Variants in DMD observed in about 807,000 individuals in gnomAD.
DMD encodes the protein mutant dystrophin.
In DMD, 63 loss-of-function variants were observed where a neutral mutation model predicts 330.1. The observed-to-expected ratio is 0.19, with a 90% confidence interval of 0.16 to 0.24. DMD has a LOEUF of 0.24. Among genes scored for constraint, DMD ranks in the 10% least tolerant of loss-of-function variants. The pLI is 1.00. For synonymous variants in DMD, 1,223 were observed against 959.8 expected, an observed-to-expected ratio of 1.27 and a Z score of -5.07; for missense variants, 3,344 against 2,684.1, an observed-to-expected ratio of 1.25 and a Z score of -5.43.
intron 25 of DMD, among the ~76,000 whole-genome samples, chrX:32,460,194 G>A (rs2098378524): frequency 9.0e-6 from 1 of 110,609 alleles, no homozygotes; most frequent in Admixed American, 9.6e-5. Context: ...ACCCCAGCTA[G>A]GATGTATATT....
chrX:32,646,183 C>G (rs1026183722), intron 9 of DMD, among the ~76,000 whole-genome samples: 6 of 111,611 alleles, frequency 5.4e-5, no homozygotes, highest in Non-Finnish European at 1.1e-4. Context: ...CTATAGGAAC[C>G]ATACACTCAA....
chrX:32,390,031 C>T, intron 31 of DMD, 40 bp downstream of exon 31: 2 of 1,072,570 alleles, frequency 1.9e-6, no homozygotes, highest in Non-Finnish European at 2.6e-6. Context: ...GTATAATGCC[C>T]AACGAAAACA....
intron 47 of DMD, among the ~76,000 whole-genome samples, chrX:31,927,591 GT>G (rs2094796673): frequency 9.1e-6 from 1 of 110,193 alleles, no homozygotes; most frequent in Non-Finnish European, 1.9e-5. Flanking sequence ...ATAAAAGTCT[GT>G]ATCTTTACAC....
chrX:31,731,022 C>A (rs1343830206), intron 51 of DMD, among the ~76,000 whole-genome samples: 2 of 111,752 alleles, frequency 1.8e-5, no homozygotes, highest in Non-Finnish European at 3.8e-5. Context: ...GGGAGACAGG[C>A]TTTGTGATTT....
intron 2 of DMD, among the ~76,000 whole-genome samples, chrX:32,895,799 T>C (rs955163009): frequency 9.1e-6 from 1 of 109,994 alleles, no homozygotes; most frequent in African/African-American, 3.3e-5. Context: ...CGGCTGAGGT[T>C]GAGAGCTTTC....
At chrX:31,822,527 G>A (rs767036891) in intron 49 of DMD, among the ~76,000 whole-genome samples, 104 of 111,263 alleles carry the variant, frequency 9.3e-4, no homozygotes, top group African/African-American at 2.6e-3. Flanking sequence ...GATACGATTC[G>A]TGTTTTGCAT....
chrX:32,258,641 C>A (rs908505581), intron 43 of DMD, among the ~76,000 whole-genome samples: 4 of 109,265 alleles, frequency 3.7e-5, no homozygotes, highest in Admixed American at 9.8e-5. Flanking sequence ...GGGCGGGGAA[C>A]ATCACACACC....
chrX:32,127,195 A>G (rs1005198393), intron 44 of DMD, among the ~76,000 whole-genome samples: 2 of 111,641 alleles, frequency 1.8e-5, no homozygotes, highest in Admixed American at 9.6e-5. Flanking sequence ...TGCCTGCTTG[A>G]GAAAGCTCAG....
At chrX:31,832,840 CA>C (rs963100742) in intron 49 of DMD, among the ~76,000 whole-genome samples, 3 of 112,147 alleles carry the variant, frequency 2.7e-5, no homozygotes, top group African/African-American at 9.7e-5. Flanking sequence ...AGTACATAAA[CA>C]TATTTTTAAA....
At chrX:32,760,082 A>G (rs934160195) in intron 7 of DMD, among the ~76,000 whole-genome samples, 4 of 96,293 alleles carry the variant, frequency 4.2e-5, no homozygotes, top group African/African-American at 3.9e-5. Context: ...TATACTTTTG[A>G]CTCTTGTAAT....
chrX:31,897,265 T>C (rs2094352410), intron 47 of DMD, among the ~76,000 whole-genome samples: 1 of 112,137 alleles, frequency 8.9e-6, no homozygotes, highest in Non-Finnish European at 1.9e-5. Flanking sequence ...TCCTTTTTTA[T>C]GGCTGCATAG....
chrX:32,698,522 A>G (rs2063827560), intron 8 of DMD, among the ~76,000 whole-genome samples: 1 of 111,824 alleles, frequency 8.9e-6, no homozygotes, highest in African/African-American at 3.3e-5. Flanking sequence ...AAAACATCCA[A>G]ACCACCCACT....
intron 11 of DMD, among the ~76,000 whole-genome samples, chrX:32,625,669 T>C (rs1394148776): frequency 8.9e-6 from 1 of 112,597 alleles, no homozygotes; most frequent in Admixed American, 9.4e-5. Context: ...TAATAGCATT[T>C]TTTGTGCTTT....
chrX:31,318,526 G>T (rs1362145276), intron 62 of DMD, among the ~76,000 whole-genome samples: 1 of 112,443 alleles, frequency 8.9e-6, no homozygotes, highest in Non-Finnish European at 1.9e-5. Flanking sequence ...GCAGCAGAAA[G>T]TTGTGAGCAA....
At chrX:32,508,115 C>T (rs1461676504) in intron 18 of DMD, among the ~76,000 whole-genome samples, 1 of 110,643 alleles carries the variant, frequency 9.0e-6, no homozygotes, top group Non-Finnish European at 1.9e-5. Context: ...CAAGGAATGC[C>T]GGGTCACTCA....
chrX:32,652,876 T>C (rs753360526), intron 9 of DMD, among the ~76,000 whole-genome samples: 1 of 112,246 alleles, frequency 8.9e-6, no homozygotes, highest in East Asian at 2.8e-4. Flanking sequence ...CAATGGTATC[T>C]CATTGTGGTT....
At chrX:31,956,749 T>C (rs1167641789) in intron 45 of DMD, among the ~76,000 whole-genome samples, 1 of 112,021 alleles carries the variant, frequency 8.9e-6, no homozygotes, top group African/African-American at 3.2e-5. Flanking sequence ...TAATAGAGAA[T>C]GTGTGTTTAA....
At chrX:31,141,538 T>C (rs1204048987) in intron 76 of DMD, among the ~76,000 whole-genome samples, 1 of 111,722 alleles carries the variant, frequency 9.0e-6, no homozygotes, top group Admixed American at 9.5e-5. Context: ...AGGGCTAAAT[T>C]TGGGCAGAAG....
chrX:32,823,437 G>T (rs758495122), intron 4 of DMD, 50 bp from the exon 5 acceptor site: 1 of 807,951 alleles, frequency 1.2e-6, no homozygotes, highest in Non-Finnish European at 1.9e-6. Flanking sequence ...CAAATGCCTA[G>T]TTGCAATAAT....
Sources: gnomAD v4.1 joint callset for allele counts (sites outside exome capture counted in the v4.1 genomes callset) on GRCh38, gnomAD v4.1.1 for gene constraint, MANE v1.5 for transcripts, NCBI Gene and HGNC (gene_info 2026-07-23, HGNC 2026-07-21) for gene names.